The following PCNX2 variants were observed in gnomAD, a reference collection of about 807,000 sequenced individuals.
PCNX2 encodes the protein pecanex 2.
In PCNX2, 168 loss-of-function variants were observed where a neutral mutation model predicts 223.8. The ratio of observed to expected loss-of-function variants is 0.75; its 90% CI spans 0.66 to 0.85. The LOEUF (loss-of-function observed/expected upper bound fraction) is 0.85, where lower values mean the gene tolerates loss of function less well. Among genes scored for constraint, PCNX2 ranks in the 40% least tolerant of loss-of-function variants. The pLI is 0.00. For missense variants in PCNX2, 2,507 were observed against 2,675.5 expected (o/e 0.94, Z 1.39); for synonymous variants, 1,006 against 1,052.6 (o/e 0.96, Z 0.86).
At chr1:232,995,582 A>AG (rs1440119824) in intron 32 of PCNX2, among the ~76,000 whole-genome samples, 1 of 152,094 alleles carries the variant, frequency 6.6e-6, no homozygotes, top group Non-Finnish European at 1.5e-5. Context: ...TGGGGGGTGA[A>AG]GGGGGGAAAC....
At chr1:233,321,589 C>T in the PCNX2 span, among the ~76,000 whole-genome samples, 4 of 152,212 alleles carry the variant, frequency 2.6e-5, no homozygotes, top group Non-Finnish European at 5.9e-5. Flanking sequence ...TGAGCCACCA[C>T]GCCCAGTCAA....
intron 19 of PCNX2, among the ~76,000 whole-genome samples, chr1:233,147,988 A>G (rs1677565776): frequency 6.6e-6 from 1 of 152,238 alleles, no homozygotes; most frequent in Admixed American, 6.5e-5. Flanking sequence ...GAGAGTCACA[A>G]AAAAATACTG....
intron 25 of PCNX2, among the ~76,000 whole-genome samples, chr1:233,044,498 T>A (rs992748210): frequency 2.0e-5 from 3 of 152,160 alleles, no homozygotes; most frequent in African/African-American, 7.2e-5. Context: ...CTTGAATGTT[T>A]TCCTGACAGG....
At chr1:233,081,616 C>T (rs539041446) in intron 23 of PCNX2, among the ~76,000 whole-genome samples, 1 of 152,322 alleles carries the variant, frequency 6.6e-6, no homozygotes, top group Non-Finnish European at 1.5e-5. Flanking sequence ...GGCCACTCAC[C>T]ACGCTTTCTT....
chr1:232,997,527 G>A (rs1669917033), intron 32 of PCNX2, among the ~76,000 whole-genome samples: 1 of 152,128 alleles, frequency 6.6e-6, no homozygotes, highest in Non-Finnish European at 1.5e-5. Context: ...GTAAAGCCAA[G>A]GACCAGCAGG....
chr1:233,158,502 A>T (rs1452415136), intron 19 of PCNX2, among the ~76,000 whole-genome samples: 2 of 152,212 alleles, frequency 1.3e-5, no homozygotes, highest in Non-Finnish European at 2.9e-5. Context: ...AGGTATAGAT[A>T]CAGGTACAGG....
chr1:233,229,210 C>G (rs1657917708), intron 9 of PCNX2, among the ~76,000 whole-genome samples: 1 of 152,180 alleles, frequency 6.6e-6, no homozygotes, highest in South Asian at 2.1e-4. Context: ...AATCTGCTTA[C>G]TCAGCCTATG....
intron 15 of PCNX2, among the ~76,000 whole-genome samples, chr1:233,182,246 A>C (rs1365933679): frequency 6.6e-6 from 1 of 152,158 alleles, no homozygotes; most frequent in Admixed American, 6.5e-5. Flanking sequence ...GATGACGGAC[A>C]CCTGAGAGCT....
At chr1:233,164,559 T>C (rs1363554853) in intron 17 of PCNX2, among the ~76,000 whole-genome samples, 4 of 151,442 alleles carry the variant, frequency 2.6e-5, no homozygotes, top group African/African-American at 9.7e-5. Flanking sequence ...AACCAATAAA[T>C]ATATAATATA....
chr1:233,217,562 T>C (rs1657042792), intron 12 of PCNX2, among the ~76,000 whole-genome samples: 1 of 152,072 alleles, frequency 6.6e-6, no homozygotes. Flanking sequence ...GGTGGAGGAA[T>C]CAGGACACAA....
intron 1 of PCNX2, among the ~76,000 whole-genome samples, chr1:233,276,317 G>C (rs2103015171): frequency 6.6e-6 from 1 of 152,198 alleles, no homozygotes; most frequent in East Asian, 1.9e-4. Flanking sequence ...GGGGGCTTGG[G>C]GGAGAGAGAA....
Position 233,252,415 on chromosome 1 carries a change from A to G in PCNX2, c.2067T>C (p.Pro689=). 1 of 1,613,802 alleles carries G rather than the reference A, an allele frequency of 6.2e-7. No individual in the cohort carries two copies. Among genetic ancestry groups the G allele is most frequent in the Middle Eastern group, 1.6e-4 (1 of 6,062 alleles). ...DSSVLQVISG[P]ETSVQEEISV... is the part of the protein sequence containing the mutation. ...ATATCTCTTCTTGTACAGATGTTTC[A>G]GGCCCACTGATGACTTGCAAGACAG... Residue 689 remains proline (P), a synonymous_variant, in exon 7 of 34, where the codon CCT becomes CCC. Transcript: ENST00000258229.
intron 5 of PCNX2, among the ~76,000 whole-genome samples, chr1:233,254,702 C>CTTT (rs565430023): frequency 7.0e-6 from 1 of 141,948 alleles, no homozygotes; most frequent in Non-Finnish European, 1.5e-5. Context: ...GATATACGCA[C>CTTT]TTTTTTTTTT....
In PCNX2 at chr1:233,288,089, G is replaced by T. The variant is rs75650154; in HGVS notation, c.153+7237C>A. On this transcript the variant is annotated intron_variant, in intron 1 of 33. Coordinates refer to ENST00000258229, the MANE Select transcript of PCNX2 (RefSeq NM_014801.4). ...AGTGAGTCCATTTTCTTCTTGCAGA[G>T]GACATAGGAAGGAGATTTAGAGAAG... Among the ~76,000 whole-genome samples, 505 of 152,254 alleles carry T rather than the reference G, an allele frequency of 3.3e-3. 5 individuals carry two copies. The highest frequency in any genetic ancestry group is 0.02 in the East Asian group (103 of 5,182).
At chr1:233,018,954 G>A in intron 26 of PCNX2, 1 of 985,450 alleles carries the variant, frequency 1.0e-6, no homozygotes, top group Non-Finnish European at 1.2e-6. Flanking sequence ...ACTGACGCTT[G>A]TAAGTGGAGT....
At chr1:233,219,458 C>T (rs966965908) in intron 10 of PCNX2, among the ~76,000 whole-genome samples, 6 of 152,020 alleles carry the variant, frequency 3.9e-5, no homozygotes, top group South Asian at 4.2e-4. Context: ...GGTCAGGGAA[C>T]AAGGGGCCTG....
intron 1 of PCNX2, among the ~76,000 whole-genome samples, chr1:233,273,069 A>C (rs1414922078): frequency 6.6e-6 from 1 of 151,876 alleles, no homozygotes; most frequent in African/African-American, 2.4e-5. Context: ...TGATGGGTGC[A>C]ACAAAGTCTC....
Position 233,265,479 on chromosome 1 carries a change from G to A in PCNX2, c.154-2316C>T, listed in dbSNP as rs549949495. The stretch of plus-strand genomic sequence containing the variant: ...GACAATTATGAGCTAGGTGCCTCCC[G>A]CATCCCACTCTTTTCCTCTTTACTT... On this transcript the variant is annotated intron_variant, in intron 1 of 33. Coordinates refer to ENST00000258229, the MANE Select transcript of PCNX2 (RefSeq NM_014801.4). 3.9e-5 allele frequency among the ~76,000 whole-genome samples: 6 copies of A among 152,202 alleles called. No homozygotes were observed. In the South Asian group the frequency reaches 6.2e-4, roughly 16 times the overall value.
At chr1:233,087,285 G>C in intron 23 of PCNX2, 1 of 863,648 alleles carries the variant, frequency 1.2e-6, no homozygotes, top group Non-Finnish European at 1.4e-6. Context: ...AGGAAGCCAG[G>C]AGAGGGGACT....
Sources: allele counts gnomAD v4.1 joint callset (sites outside exome capture counted in the v4.1 genomes callset), GRCh38; gene constraint gnomAD v4.1.1; transcripts MANE v1.5; gene names NCBI Gene and HGNC (gene_info 2026-07-23, HGNC 2026-07-21).